GRXCR1: variants seen among roughly 807,000 people sequenced by gnomAD.
GRXCR1 encodes the protein glutaredoxin domain-containing cysteine-rich protein 1.
Under a neutral mutation model 27.3 loss-of-function variants are expected in GRXCR1, and 27 were observed. The observed-to-expected ratio is 0.99, with a 90% confidence interval of 0.73 to 1.37. The LOEUF (loss-of-function observed/expected upper bound fraction) is 1.37, where lower values mean the gene tolerates loss of function less well. Among genes scored for constraint, GRXCR1 ranks in the 40% most tolerant of loss-of-function variants. The pLI is 0.00. For missense variants in GRXCR1, 379 were observed against 354.4 expected (o/e 1.07, Z -0.56); for synonymous variants, 122 against 131.1 (o/e 0.93, Z 0.47).
chr4:42,971,283 G>A (rs545099247), intron 2 of GRXCR1, among the ~76,000 whole-genome samples: 1 of 152,058 alleles, frequency 6.6e-6, no homozygotes, highest in African/African-American at 2.4e-5. Context: ...CTGTTCCAAA[G>A]TCTGCCCATT....
chr4:42,902,428 A>G (rs913516834), intron 1 of GRXCR1, among the ~76,000 whole-genome samples: 1 of 152,020 alleles, frequency 6.6e-6, no homozygotes, highest in Admixed American at 6.6e-5. Context: ...ATGGCTTCCA[A>G]CTCCATCCAT....
At chr4:42,933,592 C>T (rs933450875) in intron 1 of GRXCR1, among the ~76,000 whole-genome samples, 18 of 151,832 alleles carry the variant, frequency 1.2e-4, no homozygotes, top group Non-Finnish European at 1.5e-5. Context: ...TCCAATGGGA[C>T]AGTGTTAGGA....
intron 1 of GRXCR1, among the ~76,000 whole-genome samples, chr4:42,916,950 A>T (rs1194428573): frequency 1.3e-5 from 2 of 152,160 alleles, no homozygotes; most frequent in Non-Finnish European, 2.9e-5. Context: ...CAATATATAC[A>T]TATTGAGTAT....
intron 1 of GRXCR1, among the ~76,000 whole-genome samples, chr4:42,921,823 G>T (rs1364880307): frequency 6.6e-6 from 1 of 152,066 alleles, no homozygotes; most frequent in Non-Finnish European, 1.5e-5. Context: ...AGGGCTGGAA[G>T]AACTAGGAGA....
chr4:42,949,786 C>T (rs1451037255), intron 1 of GRXCR1, among the ~76,000 whole-genome samples: 1 of 152,138 alleles, frequency 6.6e-6, no homozygotes, highest in African/African-American at 2.4e-5. Context: ...AGAGTGAAGC[C>T]TGGAAGCCTG....
chr4:42,965,481 G>T (rs1748216867), intron 2 of GRXCR1, among the ~76,000 whole-genome samples: 1 of 152,002 alleles, frequency 6.6e-6, no homozygotes, highest in Non-Finnish European at 1.5e-5. Context: ...GGAATACATT[G>T]CTTGAATTAT....
In GRXCR1 at chr4:43,025,309, A is replaced by G. The variant is rs555838286; in HGVS notation, c.693+4890A>G. On this transcript the variant is annotated intron_variant, in intron 3 of 3. Coordinates refer to ENST00000399770, the MANE Select transcript of GRXCR1 (RefSeq NM_001080476.3). ...CTCAGGGGTGAGGCTGAGATGTACT[A>G]CTAGGAAAGCAGAGAAGTGTCTGGT... Among the ~76,000 whole-genome samples, 313 of 152,302 alleles carry G rather than the reference A, an allele frequency of 2.1e-3. 1 individual carries two copies. Among genetic ancestry groups the G allele is most frequent in the African/African-American group, 6.9e-3 (285 of 41,566 alleles).
At chr4:42,983,651 T>C (rs1485748098) in intron 2 of GRXCR1, among the ~76,000 whole-genome samples, 4 of 152,120 alleles carry the variant, frequency 2.6e-5, no homozygotes, top group African/African-American at 9.7e-5. Flanking sequence ...TTGGGCAGTA[T>C]GGCCATTTTC....
intron 1 of GRXCR1, among the ~76,000 whole-genome samples, chr4:42,943,107 T>A (rs1747661577): frequency 6.6e-6 from 1 of 152,088 alleles, no homozygotes; most frequent in Non-Finnish European, 1.5e-5. Flanking sequence ...GTTTTCCACA[T>A]CATAGCTATG....
At chr4:43,023,370 G>C (rs1389296225) in intron 3 of GRXCR1, among the ~76,000 whole-genome samples, 1 of 152,168 alleles carries the variant, frequency 6.6e-6, no homozygotes, top group Non-Finnish European at 1.5e-5. Flanking sequence ...AGCTGTGGTT[G>C]GGCCATCAGA....
intron 1 of GRXCR1, among the ~76,000 whole-genome samples, chr4:42,938,030 A>C (rs145642527): frequency 6.6e-6 from 1 of 151,884 alleles, no homozygotes; most frequent in African/African-American, 2.4e-5. Context: ...GTTGCATCTA[A>C]CTATATTTTT....
chr4:43,000,263 A>C (rs954502256), intron 2 of GRXCR1, among the ~76,000 whole-genome samples: 1 of 152,034 alleles, frequency 6.6e-6, no homozygotes, highest in Non-Finnish European at 1.5e-5. Flanking sequence ...GTGGATCATG[A>C]GGTCAGGAGA....
intron 2 of GRXCR1, among the ~76,000 whole-genome samples, chr4:42,992,961 G>A (rs1712022674): frequency 6.6e-6 from 1 of 151,994 alleles, no homozygotes; most frequent in Admixed American, 6.6e-5. Context: ...TAAAAATGTA[G>A]TTTTCTGAAG....
chr4:42,992,288 T>C (rs996307764), intron 2 of GRXCR1, among the ~76,000 whole-genome samples: 1 of 152,130 alleles, frequency 6.6e-6, no homozygotes, highest in African/African-American at 2.4e-5. Flanking sequence ...CTGGATAACT[T>C]AGTATGGTTG....
At chr4:42,938,820 T>C (rs1169166195) in intron 1 of GRXCR1, among the ~76,000 whole-genome samples, 1 of 151,892 alleles carries the variant, frequency 6.6e-6, no homozygotes, top group Non-Finnish European at 1.5e-5. Context: ...TGTAGATGTA[T>C]GGATTTATTT....
At chr4:43,011,930 A>G (rs2109802969) in intron 2 of GRXCR1, among the ~76,000 whole-genome samples, 1 of 152,316 alleles carries the variant, frequency 6.6e-6, no homozygotes, top group South Asian at 2.1e-4. Context: ...TAACCTGCTC[A>G]TGCCTAAACA....
At chr4:42,900,772 T>C (rs1434358570) in intron 1 of GRXCR1, among the ~76,000 whole-genome samples, 6 of 152,074 alleles carry the variant, frequency 3.9e-5, no homozygotes, top group Middle Eastern at 3.2e-3. Context: ...AAGAGCTGGG[T>C]GGTCTGTGAC....
At chr4:43,019,828 G>A (rs1009462400) in intron 2 of GRXCR1, among the ~76,000 whole-genome samples, 8 of 152,054 alleles carry the variant, frequency 5.3e-5, no homozygotes, top group East Asian at 1.9e-4. Flanking sequence ...AGTCTGCTAC[G>A]GCAAAGGAGA....
At chr4:42,949,228 G>T (rs1356183694) in intron 1 of GRXCR1, among the ~76,000 whole-genome samples, 3 of 151,688 alleles carry the variant, frequency 2.0e-5, no homozygotes, top group African/African-American at 7.2e-5. Context: ...AGCTGGGTGT[G>T]GTGGCCCGTG....
Sources: allele counts gnomAD v4.1 joint callset (sites outside exome capture counted in the v4.1 genomes callset), GRCh38; gene constraint gnomAD v4.1.1; transcripts MANE v1.5; gene names NCBI Gene and HGNC (gene_info 2026-07-23, HGNC 2026-07-21).